Variants in PCDHAC2 observed in about 807,000 individuals in gnomAD.
The protein encoded by PCDHAC2 is protocadherin alpha-C2.
A neutral mutation model predicts 63.3 loss-of-function variants in PCDHAC2; 24 were observed. The observed-to-expected ratio is 0.38, with a 90% CI of 0.27 to 0.53. PCDHAC2 has a LOEUF of 0.53. PCDHAC2 is among the 20% of genes least tolerant of loss of function. The probability of loss-of-function intolerance (pLI) is 0.81; values close to 1 mark genes in which losing one functional copy is unlikely to be tolerated. For missense variants in PCDHAC2, 1,181 were observed against 1,275.2 expected (o/e 0.93, Z 1.12); for synonymous variants, 569 against 529.4 (o/e 1.07, Z -1.03).
intron 3 of PCDHAC2, among the ~76,000 whole-genome samples, chr5:140,988,308 G>A (rs75602297): frequency 6.6e-6 from 1 of 152,298 alleles, no homozygotes; most frequent in East Asian, 1.9e-4. Flanking sequence ...TGCCAGCTTG[G>A]CTTGGCTTTC....
intron 3 of PCDHAC2, among the ~76,000 whole-genome samples, chr5:140,988,057 C>T (rs557714672): frequency 6.6e-6 from 1 of 152,188 alleles, no homozygotes; most frequent in Non-Finnish European, 1.5e-5. Context: ...GCACTGTCAA[C>T]ATGAATTTTT....
At position 140,967,549 on chromosome 5, in the gene PCDHAC2, T is replaced by C. The variant is rs781838911; in HGVS notation, c.783T>C (p.Thr261=). The C allele has an allele frequency of 6.2e-7, 1 of 1,614,012 alleles. No individual in the cohort carries two copies. Among genetic ancestry groups the C allele is most frequent in the Non-Finnish European group, 8.5e-7 (1 of 1,179,970 alleles). ...ACTCTCCTGCCTTTGACCAGTCCAC[T>C]TATCGCGTCCAGCTACGGGAGGACT... ...NDNSPAFDQS[T]YRVQLREDSP... is the part of the protein sequence containing the mutation. The change falls in exon 1 of 4, where the codon ACT becomes ACC. Residue 261 remains threonine, a synonymous_variant. Coordinates refer to ENST00000289269, the MANE Select transcript of PCDHAC2 (RefSeq NM_018899.6).
rs1563650230 is a variant in PCDHAC2, at chr5:141,000,393, C to CTA, written c.2714-9233_2714-9232insAT. Among the ~76,000 whole-genome samples, 150 of 52,842 alleles carry CTA rather than the reference C, an allele frequency of 2.8e-3. 1 individual carries two copies. The highest frequency in any genetic ancestry group is 4.0e-3 in the Non-Finnish European group (125 of 31,360). 34.7% of individuals were successfully genotyped at this position (52,842 alleles called of 152,430 possible). A position where few individuals can be genotyped will look rare whatever the true frequency, so the allele number is the denominator to read the frequency against. On this transcript the variant is annotated intron_variant, in intron 3 of 3. Coordinates refer to ENST00000289269, the MANE Select transcript of PCDHAC2 (RefSeq NM_018899.6). ...TCTCTCTCTCTCTCTCTCTCTCTCT[C>CTA]TCTATATATATATATATATATATAT... is the stretch of plus-strand genomic sequence containing the variant.
chr5:140,977,890 A>C (rs1554238866), intron 1 of PCDHAC2, among the ~76,000 whole-genome samples: 3 of 152,234 alleles, frequency 2.0e-5, no homozygotes, highest in Non-Finnish European at 4.4e-5. Flanking sequence ...AGGAAAATAC[A>C]AAATACAACT....
At chr5:140,998,008 T>C (rs1447849810) in intron 3 of PCDHAC2, among the ~76,000 whole-genome samples, 6 of 152,128 alleles carry the variant, frequency 3.9e-5, no homozygotes, top group East Asian at 1.9e-4. Flanking sequence ...GAGCCTTCCA[T>C]CCCCACCTCG....
intron 3 of PCDHAC2, among the ~76,000 whole-genome samples, chr5:140,985,238 A>G (rs2097143387): frequency 1.3e-5 from 2 of 152,120 alleles, no homozygotes; most frequent in Non-Finnish European, 2.9e-5. Context: ...CGCCTGGCCT[A>G]ATCTTCTTAC....
chr5:140,989,609 T>C (rs782186182), intron 3 of PCDHAC2, among the ~76,000 whole-genome samples: 4 of 152,178 alleles, frequency 2.6e-5, no homozygotes, highest in Non-Finnish European at 5.9e-5. Flanking sequence ...AAACTAAAAA[T>C]GAAAGTCTGT....
At chr5:140,982,030 C>G (rs2096963361) in intron 2 of PCDHAC2, among the ~76,000 whole-genome samples, 1 of 152,196 alleles carries the variant, frequency 6.6e-6, no homozygotes, top group South Asian at 2.1e-4. Flanking sequence ...TGGAACAATA[C>G]TCCAATTATC....
At chr5:140,986,480 T>A (rs781884269) in intron 3 of PCDHAC2, among the ~76,000 whole-genome samples, 16 of 152,200 alleles carry the variant, frequency 1.1e-4, no homozygotes, top group Non-Finnish European at 1.5e-4. Flanking sequence ...GATCAGTTCC[T>A]AGGGCAATCC....
chr5:140,976,990 A>G (rs1162326000), intron 1 of PCDHAC2, among the ~76,000 whole-genome samples: 1 of 152,228 alleles, frequency 6.6e-6, no homozygotes. Flanking sequence ...TCTTACTGCC[A>G]TAAGAAATCT....
At chr5:140,982,240 A>G (rs1257297614) in intron 2 of PCDHAC2, 14 of 694,558 alleles carry the variant, frequency 2.0e-5, no homozygotes, top group Admixed American at 3.6e-5. Flanking sequence ...CAGAATTGCC[A>G]TAAAGATAGA....
intron 3 of PCDHAC2, among the ~76,000 whole-genome samples, chr5:140,984,164 A>T (rs1471799520): frequency 6.6e-6 from 1 of 152,208 alleles, no homozygotes; most frequent in African/African-American, 2.4e-5. Flanking sequence ...GAACTTCCCA[A>T]AGAAGCCACG....
chr5:140,978,057 T>C (rs527562348), intron 1 of PCDHAC2, among the ~76,000 whole-genome samples: 1 of 152,304 alleles, frequency 6.6e-6, no homozygotes, highest in South Asian at 2.1e-4. Context: ...ACTGATGATG[T>C]CCCAGTGATT....
chr5:141,009,576 T>C (rs2098411921), intron 3 of PCDHAC2, 51 bp from the exon 4 acceptor site: 1 of 1,583,566 alleles, frequency 6.3e-7, no homozygotes. Flanking sequence ...CAGTGTGGCA[T>C]CAAGAGCATG....
rs139036960 is a variant in PCDHAC2, at chr5:140,968,861, C to T, written c.2095C>T (p.Arg699Trp). 5.6e-5 allele frequency: 90 copies of T among 1,614,182 alleles called. No individual in the cohort carries two copies. The highest frequency in any genetic ancestry group is 2.8e-4 in the Admixed American group (17 of 60,014). ...PDTQRHVKSP[R>W]TYSEITLYLI... Reference sequence around the variant, plus strand: ...CACTCAGAGGCATGTTAAGAGCCCTCGGACATACTCTGAAATTACCCTTTA... The same window carrying T: ...CACTCAGAGGCATGTTAAGAGCCCTTGGACATACTCTGAAATTACCCTTTA... The change falls in exon 1 of 4, where the codon CGG (arginine) becomes TGG (tryptophan). Residue 699 changes from arginine (R) to tryptophan (W), a missense_variant. This residue lies in a region of PCDHAC2 where 968 missense variants were observed against 1,073.5 expected (regional missense o/e 0.90). Transcript: ENST00000289269.
chr5:140,998,059 C>T (rs1471709750), intron 3 of PCDHAC2, among the ~76,000 whole-genome samples: 1 of 152,154 alleles, frequency 6.6e-6, no homozygotes, highest in East Asian at 1.9e-4. Context: ...ACATCATCAT[C>T]AACAGACTTA....
chr5:141,006,376 TAA>T (rs2098270900), intron 3 of PCDHAC2, among the ~76,000 whole-genome samples: 1 of 151,996 alleles, frequency 6.6e-6, no homozygotes, highest in South Asian at 2.1e-4. Flanking sequence ...CACGCCCGGC[TAA>T]GTTTTTTCTA....
chr5:140,980,395 G>T (rs182782153), intron 2 of PCDHAC2, among the ~76,000 whole-genome samples: 4 of 152,316 alleles, frequency 2.6e-5, no homozygotes, highest in Non-Finnish European at 5.9e-5. Context: ...ACTTTGGGAG[G>T]CCGAGGTGGG....
rs782284231 is a variant in PCDHAC2, at chr5:140,967,750, C to A, written c.984C>A (p.Ala328=). The A allele has an allele frequency of 1.4e-5, 22 of 1,614,072 alleles. No homozygotes were observed. The highest frequency in any genetic ancestry group is 1.7e-6 in the Non-Finnish European group (2 of 1,180,030). ...TTGGGGGGCTGGATTATGAGGAAGC[C>A]TCCTCCTACCAGATCTATGTGCAGG... ...RVIGGLDYEE[A]SSYQIYVQAT... is the part of the protein sequence containing the mutation. The change falls in exon 1 of 4, where the codon GCC becomes GCA. Residue 328 remains alanine (A), a synonymous_variant. Transcript: ENST00000289269.
Sources: allele counts gnomAD v4.1 joint callset (sites outside exome capture counted in the v4.1 genomes callset), GRCh38; gene constraint gnomAD v4.1.1; regional missense constraint gnomAD v4.1.1; transcripts MANE v1.5; gene names NCBI Gene and HGNC (gene_info 2026-07-23, HGNC 2026-07-21).